MS4A5: variants seen among roughly 807,000 people sequenced by gnomAD.
The protein encoded by MS4A5 is membrane-spanning 4-domains subfamily A member 5.
Under a neutral mutation model 18.2 loss-of-function variants are expected in MS4A5, and 15 were observed. The ratio of observed to expected loss-of-function variants is 0.83; its 90% CI spans 0.55 to 1.27. The LOEUF (loss-of-function observed/expected upper bound fraction) is 1.27. Among genes scored for constraint, MS4A5 ranks in the 50% most tolerant of loss-of-function variants. The pLI is 0.00. For synonymous variants in MS4A5, 89 were observed against 78.7 expected (o/e 1.13, Z -0.69); for missense variants, 232 against 225.7 (o/e 1.03, Z -0.18).
chr11:60,444,942 A>T (rs2086131469), intron 4 of MS4A5, among the ~76,000 whole-genome samples: 1 of 152,238 alleles, frequency 6.6e-6, no homozygotes, highest in South Asian at 2.1e-4. Flanking sequence ...TATTCATTAT[A>T]GTTAAACTGA....
chr11:60,444,749 G>A (rs1330537366), intron 4 of MS4A5, among the ~76,000 whole-genome samples: 23 of 152,056 alleles, frequency 1.5e-4, no homozygotes, highest in Admixed American at 1.5e-3. Context: ...TTAATTAAAA[G>A]GACCACCAAT....
chr11:60,429,870 G>A (rs758167444), intron 1 of MS4A5, 43 bp downstream of exon 1: 1 of 1,568,748 alleles, frequency 6.4e-7, no homozygotes, highest in Non-Finnish European at 8.7e-7. Context: ...TGAGGCAGGG[G>A]AAAGGCTAGG....
intron 4 of MS4A5, among the ~76,000 whole-genome samples, chr11:60,442,998 G>A (rs962704686): frequency 2.0e-5 from 3 of 152,082 alleles, no homozygotes; most frequent in African/African-American, 7.2e-5. Context: ...AAAATTAGCA[G>A]GGCATGGTGG....
chr11:60,437,579 T>C (rs2135175121), intron 4 of MS4A5, among the ~76,000 whole-genome samples: 1 of 152,006 alleles, frequency 6.6e-6, no homozygotes, highest in African/African-American at 2.4e-5. Context: ...TGGAGGAAGT[T>C]CTACCAAGCA....
At chr11:60,431,875 G>A (rs558417791) in intron 2 of MS4A5, among the ~76,000 whole-genome samples, 1 of 152,140 alleles carries the variant, frequency 6.6e-6, no homozygotes, top group African/African-American at 2.4e-5. Context: ...TACCCATGAA[G>A]GGGCTGGAAA....
At chr11:60,436,365 T>C (rs1215021258) in intron 4 of MS4A5, among the ~76,000 whole-genome samples, 2 of 134,310 alleles carry the variant, frequency 1.5e-5, no homozygotes, top group Admixed American at 7.9e-5. Flanking sequence ...AAAAGCAGAG[T>C]GCCACTCCTC....
intron 4 of MS4A5, among the ~76,000 whole-genome samples, chr11:60,441,886 A>G (rs2086115148): frequency 6.6e-6 from 1 of 152,200 alleles, no homozygotes; most frequent in African/African-American, 2.4e-5. Context: ...TAAACGTATA[A>G]TAGGGGACTT....
chr11:60,437,210 A>G (rs2086085169), intron 4 of MS4A5, among the ~76,000 whole-genome samples: 1 of 148,862 alleles, frequency 6.7e-6, no homozygotes, highest in Non-Finnish European at 1.5e-5. Flanking sequence ...TACTTTACAG[A>G]CAAGCAAATG....
intron 4 of MS4A5, among the ~76,000 whole-genome samples, chr11:60,443,406 G>T (rs2086123831): frequency 6.6e-6 from 1 of 151,312 alleles, no homozygotes; most frequent in African/African-American, 2.4e-5. Context: ...ATTTACAACA[G>T]ACATAAAAAA....
chr11:60,434,944 G>A (rs1287881864), intron 4 of MS4A5, among the ~76,000 whole-genome samples: 1 of 152,198 alleles, frequency 6.6e-6, no homozygotes, highest in East Asian at 1.9e-4. Context: ...CGCTCTTCAG[G>A]TAAGGGCAAA....
chr11:60,443,051 G>C (rs992239432), intron 4 of MS4A5, among the ~76,000 whole-genome samples: 1 of 152,132 alleles, frequency 6.6e-6, no homozygotes, highest in African/African-American at 2.4e-5. Flanking sequence ...TGAGGCAGGA[G>C]AATCACTTGA....
chr11:60,438,307 C>T (rs1274403563), intron 4 of MS4A5, among the ~76,000 whole-genome samples: 2 of 152,082 alleles, frequency 1.3e-5, no homozygotes, highest in Admixed American at 6.5e-5. Flanking sequence ...ACTAAATGCC[C>T]ACAAGAGAAA....
intron 4 of MS4A5, among the ~76,000 whole-genome samples, chr11:60,444,557 A>G (rs2086129726): frequency 6.6e-6 from 1 of 152,190 alleles, no homozygotes; most frequent in Non-Finnish European, 1.5e-5. Flanking sequence ...GAATATATTA[A>G]GCACTCCTGA....
At chr11:60,430,562 A>G (rs2086043350) in intron 1 of MS4A5, among the ~76,000 whole-genome samples, 1 of 152,188 alleles carries the variant, frequency 6.6e-6, no homozygotes, top group South Asian at 2.1e-4. Flanking sequence ...GATGTTGCCA[A>G]TCCATGGACC....
chr11:60,431,635 C>T (rs1469525328), intron 2 of MS4A5, among the ~76,000 whole-genome samples: 1 of 152,124 alleles, frequency 6.6e-6, no homozygotes, highest in Non-Finnish European at 1.5e-5. Context: ...GGACAACGCC[C>T]AGAGACATTT....
At position 60,430,911 on chromosome 11, in the gene MS4A5, G is replaced by C; in HGVS notation, c.269G>C (p.Trp90Ser). 6.2e-7 allele frequency: 1 copy of C among 1,612,308 alleles called. No homozygotes were observed. The highest frequency in any genetic ancestry group is 8.5e-7 in the Non-Finnish European group (1 of 1,179,762). Reference protein sequence around the residue: ...PFIFLSGYPFWGSVLFINSGA... With the variant: ...PFIFLSGYPFSGSVLFINSGA... Reference sequence around the variant, plus strand: ...ATATTTCTTTCAGGATATCCATTCTGGGGCTCTGTTTTGGTGAGTATAGTC... The same window carrying C: ...ATATTTCTTTCAGGATATCCATTCTCGGGCTCTGTTTTGGTGAGTATAGTC... The change falls in exon 2 of 5, where the codon TGG becomes TCG. Residue 90 changes from tryptophan to serine, a missense_variant. Coordinates refer to ENST00000300190, the MANE Select transcript of MS4A5 (RefSeq NM_023945.3).
At chr11:60,442,020 A>G (rs2086115858) in intron 4 of MS4A5, among the ~76,000 whole-genome samples, 1 of 152,248 alleles carries the variant, frequency 6.6e-6, no homozygotes, top group Admixed American at 6.5e-5. Flanking sequence ...AGCTAAAATC[A>G]TCATAAGAAA....
At chr11:60,444,909 G>C (rs541443641) in intron 4 of MS4A5, among the ~76,000 whole-genome samples, 1 of 152,292 alleles carries the variant, frequency 6.6e-6, no homozygotes, top group Middle Eastern at 3.4e-3. Context: ...TCATGATATA[G>C]ACAAAAATGT....
chr11:60,444,413 A>G (rs2086129001), intron 4 of MS4A5, among the ~76,000 whole-genome samples: 1 of 152,112 alleles, frequency 6.6e-6, no homozygotes, highest in South Asian at 2.1e-4. Flanking sequence ...GTAGTAGACA[A>G]AGCTTTCTTA....
Sources: gnomAD v4.1 joint callset for allele counts (sites outside exome capture counted in the v4.1 genomes callset) on GRCh38, gnomAD v4.1.1 for gene constraint, MANE v1.5 for transcripts, NCBI Gene and HGNC (gene_info 2026-07-23, HGNC 2026-07-21) for gene names.